The following CLDN10 variants were observed in gnomAD, a reference collection of about 807,000 sequenced individuals.
CLDN10 encodes the protein claudin-10.
A neutral mutation model predicts 22.9 loss-of-function variants in CLDN10; 15 were observed. That is an observed-to-expected ratio of 0.65 (90% CI 0.44 to 1.01). The LOEUF (loss-of-function observed/expected upper bound fraction) is 1.01. CLDN10 is among the 50% of genes least tolerant of loss of function. CLDN10 has a pLI of 0.00. For missense variants in CLDN10, 247 were observed against 287.8 expected (o/e 0.86, Z 1.03); for synonymous variants, 114 against 111.4 (o/e 1.02, Z -0.15).
At chr13:95,454,370 G>A (rs2042462064) in intron 1 of CLDN10, among the ~76,000 whole-genome samples, 1 of 152,142 alleles carries the variant, frequency 6.6e-6, no homozygotes, top group South Asian at 2.1e-4. Context: ...GAACCTGGGA[G>A]GTGGAGGTTG....
At chr13:95,500,906 T>A (rs879375694) in intron 1 of CLDN10, among the ~76,000 whole-genome samples, 1 of 151,924 alleles carries the variant, frequency 6.6e-6, no homozygotes. Context: ...ACAAAGAAAA[T>A]TGAACTGAGC....
At chr13:95,434,275 AC>A (rs1253732908) in intron 1 of CLDN10, among the ~76,000 whole-genome samples, 1 of 152,104 alleles carries the variant, frequency 6.6e-6, no homozygotes, top group East Asian at 1.9e-4. Flanking sequence ...CTTTTGGAAT[AC>A]CCAGTGTGAC....
chr13:95,488,804 T>G (rs1294433294), intron 1 of CLDN10, among the ~76,000 whole-genome samples: 1 of 152,174 alleles, frequency 6.6e-6, no homozygotes, highest in Non-Finnish European at 1.5e-5. Context: ...TTGGGTTGGT[T>G]CCAGGATTTT....
At chr13:95,528,306 G>T (rs921539202) in intron 1 of CLDN10, among the ~76,000 whole-genome samples, 4 of 152,072 alleles carry the variant, frequency 2.6e-5, no homozygotes, top group Admixed American at 6.5e-5. Flanking sequence ...CCTTTCACTT[G>T]GTTCTCATTC....
chr13:95,442,067 C>T (rs1271406054), intron 1 of CLDN10, among the ~76,000 whole-genome samples: 1 of 152,178 alleles, frequency 6.6e-6, no homozygotes, highest in Non-Finnish European at 1.5e-5. Flanking sequence ...GGAAGGATCA[C>T]CTGAGCCAGG....
chr13:95,439,000 C>T (rs1387988983), intron 1 of CLDN10, among the ~76,000 whole-genome samples: 5 of 126,766 alleles, frequency 3.9e-5, no homozygotes, highest in South Asian at 2.5e-4. Flanking sequence ...AAAAAAAAAG[C>T]GGAGGGTAAA....
upstream of CLDN10, among the ~76,000 whole-genome samples, chr13:95,552,350 G>A (rs1423896782): frequency 6.9e-6 from 1 of 143,946 alleles, no homozygotes; most frequent in Non-Finnish European, 1.5e-5. Context: ...AGGAAGCCAA[G>A]CTATTTGCCT....
chr13:95,450,615 G>A (rs1278779665), intron 1 of CLDN10, among the ~76,000 whole-genome samples: 2 of 152,268 alleles, frequency 1.3e-5, no homozygotes, highest in East Asian at 1.9e-4. Flanking sequence ...GGTCACCCAG[G>A]TTAGACATCC....
At chr13:95,506,064 A>C (rs1052102115) in intron 1 of CLDN10, among the ~76,000 whole-genome samples, 2 of 152,128 alleles carry the variant, frequency 1.3e-5, no homozygotes, top group African/African-American at 2.4e-5. Flanking sequence ...AAGGAGAACT[A>C]ATTAATCCTT....
intron 1 of CLDN10, among the ~76,000 whole-genome samples, chr13:95,492,298 G>A (rs560639777): frequency 7.2e-5 from 11 of 151,890 alleles, no homozygotes; most frequent in Non-Finnish European, 1.5e-4. Context: ...GGGCGGGGCT[G>A]GGTGTGTCTG....
intron 1 of CLDN10, among the ~76,000 whole-genome samples, chr13:95,471,089 A>C (rs1380294929): frequency 1.3e-5 from 2 of 152,110 alleles, no homozygotes; most frequent in African/African-American, 2.4e-5. Context: ...AGCCTCACAG[A>C]GGATTAGAAG....
At chr13:95,486,829 C>A (rs1309186477) in intron 1 of CLDN10, among the ~76,000 whole-genome samples, 1 of 152,190 alleles carries the variant, frequency 6.6e-6, no homozygotes, top group Non-Finnish European at 1.5e-5. Context: ...GGAGGCAGAA[C>A]TACACTCTCC....
rs541565362 is a variant in CLDN10 at position 95,484,752 on chromosome 13, G to T, written c.214+50705G>T. 2.0e-5 allele frequency among the ~76,000 whole-genome samples: 3 copies of T among 150,636 alleles called. 1 individual carries two copies. The South Asian group carries it at 6.3e-4, about 32-fold the overall frequency. ...GTGGTGGCAAGCACCTGTAGTTCCA[G>T]CTACTCGGGAGGCTGAGGCACAAGA... On this transcript the variant is annotated intron_variant, in intron 1 of 4. Coordinates refer to the CLDN10 transcript ENST00000376873.
At chr13:95,494,771 G>A (rs140621762) in intron 1 of CLDN10, among the ~76,000 whole-genome samples, 2 of 152,120 alleles carry the variant, frequency 1.3e-5, no homozygotes, top group South Asian at 2.1e-4. Context: ...TGGTAGATAC[G>A]GACAGGGCCT....
chr13:95,514,995 G>A (rs995553552), intron 1 of CLDN10, among the ~76,000 whole-genome samples: 1 of 152,146 alleles, frequency 6.6e-6, no homozygotes, highest in Non-Finnish European at 1.5e-5. Flanking sequence ...AGACTTGGCT[G>A]CAACTTGCAA....
intron 1 of CLDN10, among the ~76,000 whole-genome samples, chr13:95,500,704 G>C (rs911180082): frequency 4.6e-5 from 7 of 152,216 alleles, no homozygotes; most frequent in African/African-American, 1.4e-4. Context: ...GAATGACAAA[G>C]TTGGAGAGGT....
At chr13:95,492,300 G>A (rs2042880987) in intron 1 of CLDN10, among the ~76,000 whole-genome samples, 2 of 151,634 alleles carry the variant, frequency 1.3e-5, no homozygotes, top group African/African-American at 4.9e-5. Context: ...GCGGGGCTGG[G>A]TGTGTCTGAG....
At chr13:95,457,845 G>T (rs192086277) in intron 1 of CLDN10, among the ~76,000 whole-genome samples, 10 of 152,254 alleles carry the variant, frequency 6.6e-5, no homozygotes, top group Non-Finnish European at 1.5e-5. Context: ...TCTCATTAGG[G>T]TATGTTGAAA....
intron 1 of CLDN10, among the ~76,000 whole-genome samples, chr13:95,543,757 A>G (rs1253086148): frequency 1.3e-5 from 2 of 151,996 alleles, no homozygotes; most frequent in Non-Finnish European, 2.9e-5. Context: ...TTCCTTTCAT[A>G]TTAATATTGT....
Sources: allele counts gnomAD v4.1 joint callset (sites outside exome capture counted in the v4.1 genomes callset), GRCh38; gene constraint gnomAD v4.1.1; transcripts MANE v1.5; gene names NCBI Gene and HGNC (gene_info 2026-07-23, HGNC 2026-07-21).